Variants in MAGI2 observed in about 807,000 individuals in gnomAD.
MAGI2 encodes membrane associated guanylate kinase, WW and PDZ domain containing 2.
MAGI2 carries 35 observed loss-of-function variants against 133.3 expected under a neutral mutation model. That is an observed-to-expected ratio of 0.26 (90% CI 0.20 to 0.35). MAGI2 has a LOEUF of 0.35. Ranked by LOEUF, MAGI2 falls within the 10% of genes least tolerant of loss-of-function variation. The probability of loss-of-function intolerance (pLI) is 1.00; values close to 1 mark genes in which losing one functional copy is unlikely to be tolerated. For synonymous variants in MAGI2, 729 were observed against 710.6 expected (o/e 1.03, Z -0.41); for missense variants, 1,636 against 1,863.4 (o/e 0.88, Z 2.25).
chr7:79,345,237 C>T (rs186567378), intron 1 of MAGI2, among the ~76,000 whole-genome samples: 94 of 152,106 alleles, frequency 6.2e-4, no homozygotes, highest in Admixed American at 1.3e-3. Flanking sequence ...AATGTGGGCA[C>T]AGACACATAT....
chr7:78,954,500 T>C (rs1020241016), intron 2 of MAGI2, among the ~76,000 whole-genome samples: 7 of 152,254 alleles, frequency 4.6e-5, no homozygotes, highest in African/African-American at 1.2e-4. Context: ...GCTTATGCTA[T>C]AGAAAATACA....
chr7:78,548,481 G>A (rs1799057268), intron 3 of MAGI2, among the ~76,000 whole-genome samples: 1 of 152,104 alleles, frequency 6.6e-6, no homozygotes, highest in Non-Finnish European at 1.5e-5. Flanking sequence ...GATCACTTGA[G>A]GTCAGGAATT....
At chr7:79,236,448 A>G (rs990828290) in intron 1 of MAGI2, among the ~76,000 whole-genome samples, 1 of 152,214 alleles carries the variant, frequency 6.6e-6, no homozygotes, top group Non-Finnish European at 1.5e-5. Flanking sequence ...ATTGCGTATA[A>G]GGCTGGTTTT....
At chr7:78,091,667 G>T (rs1817225576) in intron 20 of MAGI2, among the ~76,000 whole-genome samples, 1 of 152,172 alleles carries the variant, frequency 6.6e-6, no homozygotes, top group Non-Finnish European at 1.5e-5. Context: ...AAGACCAGTT[G>T]CAGGTTCCCT....
At chr7:78,361,807 G>A (rs1792842088) in intron 7 of MAGI2, among the ~76,000 whole-genome samples, 1 of 152,122 alleles carries the variant, frequency 6.6e-6, no homozygotes, top group Admixed American at 6.5e-5. Flanking sequence ...TTTAAGGGTG[G>A]CGGAGTATGA....
intron 2 of MAGI2, among the ~76,000 whole-genome samples, chr7:78,924,794 C>T (rs945139810): frequency 2.0e-5 from 3 of 151,844 alleles, no homozygotes; most frequent in Non-Finnish European, 4.4e-5. Flanking sequence ...TGTTGAACAA[C>T]AGTTCCCCCT....
At chr7:78,172,298 T>C (rs867395175) in intron 14 of MAGI2, among the ~76,000 whole-genome samples, 1 of 152,240 alleles carries the variant, frequency 6.6e-6, no homozygotes, top group Non-Finnish European at 1.5e-5. Context: ...GTAGTATCTG[T>C]AGCCTGGGAC....
chr7:78,091,624 T>C (rs1817221648), intron 20 of MAGI2, among the ~76,000 whole-genome samples: 1 of 152,194 alleles, frequency 6.6e-6, no homozygotes. Context: ...TAGGAATTTA[T>C]GAAAGATCTC....
chr7:79,223,623 T>G, intron 1 of MAGI2, among the ~76,000 whole-genome samples: 1 of 151,224 alleles, frequency 6.6e-6, no homozygotes, highest in Non-Finnish European at 1.5e-5. Flanking sequence ...AGCCCAGGAG[T>G]TTGCAAGCAG....
At chr7:79,260,374 A>G (rs1833988903) in intron 1 of MAGI2, among the ~76,000 whole-genome samples, 1 of 21,054 alleles carries the variant, frequency 4.7e-5, no homozygotes, top group Non-Finnish European at 1.7e-4. Context: ...ATACATACAT[A>G]CATACATACA....
intron 2 of MAGI2, among the ~76,000 whole-genome samples, chr7:78,960,581 G>A: frequency 6.6e-6 from 1 of 152,084 alleles, no homozygotes; most frequent in East Asian, 1.9e-4. Context: ...TAATGATGGA[G>A]GTTGAGTTTT....
intron 1 of MAGI2, among the ~76,000 whole-genome samples, chr7:79,203,922 A>G (rs1828825151): frequency 6.6e-6 from 1 of 152,080 alleles, no homozygotes; most frequent in African/African-American, 2.4e-5. Flanking sequence ...CAATCCATGC[A>G]CAGAAATACC....
In MAGI2 at chr7:78,065,489, A is replaced by T. The variant is rs145646592; in HGVS notation, c.3706+13458T>A. ...AAATAATTAGACAAGCTACTATGAA[A>T]GAGAAAGCATTATACATCAGTTAAA... On this transcript the variant is annotated intron_variant, in intron 21 of 21. Coordinates refer to ENST00000354212, the MANE Select transcript of MAGI2 (RefSeq NM_012301.4). 3.1e-3 allele frequency: 1,836 copies of T among 584,286 alleles called. 3 individuals are homozygous for T. The highest frequency in any genetic ancestry group is 4.2e-3 in the Non-Finnish European group (1,401 of 333,732). The allele number at this position is 584,286 out of a possible 1,614,324, so 36.2% of individuals were successfully genotyped here.
At chr7:78,768,709 A>G (rs1825273161) in intron 2 of MAGI2, among the ~76,000 whole-genome samples, 1 of 152,242 alleles carries the variant, frequency 6.6e-6, no homozygotes, top group Admixed American at 6.5e-5. Context: ...AAGCATCTGA[A>G]GTGTTTCCAA....
rs985590509 is a variant in MAGI2 at position 78,833,676 on chromosome 7, C to A, written c.418+173414G>T. On this transcript the variant is annotated intron_variant, in intron 2 of 21. Coordinates refer to ENST00000354212, the MANE Select transcript of MAGI2 (RefSeq NM_012301.4). ...CTCACACAGCCCTCTCTGTTCATAT[C>A]CTCCTAACTTAACTCTTCCATTGTT... 1.5e-4 allele frequency among the ~76,000 whole-genome samples: 23 copies of A among 152,172 alleles called. 1 individual carries two copies. The highest frequency in any genetic ancestry group is 5.9e-5 in the Non-Finnish European group (4 of 68,034).
intron 2 of MAGI2, among the ~76,000 whole-genome samples, chr7:78,748,434 C>T (rs1207881): frequency 0.31 from 47,184 of 151,998 alleles, 7,530 homozygotes; most frequent in South Asian, 0.47. Context: ...GTCTTATGAG[C>T]GCAGTCCTAT....
intron 3 of MAGI2, among the ~76,000 whole-genome samples, chr7:78,623,697 G>T (rs563900227): frequency 7.2e-5 from 11 of 152,102 alleles, no homozygotes; most frequent in Non-Finnish European, 1.0e-4. Flanking sequence ...AATGCTAATG[G>T]AAGAGATTTT....
chr7:78,227,725 T>TC (rs1356750983), intron 10 of MAGI2, among the ~76,000 whole-genome samples: 36 of 152,200 alleles, frequency 2.4e-4, no homozygotes, highest in African/African-American at 7.7e-4. Context: ...AAATATAATT[T>TC]CCCCCCTTCT....
At chr7:78,730,706 G>A (rs1037763593) in intron 2 of MAGI2, among the ~76,000 whole-genome samples, 13 of 152,046 alleles carry the variant, frequency 8.6e-5, no homozygotes, top group African/African-American at 3.1e-4. Flanking sequence ...CAAACATAAA[G>A]TAGTACCATA....
Sources: allele counts gnomAD v4.1 joint callset (sites outside exome capture counted in the v4.1 genomes callset), GRCh38; gene constraint gnomAD v4.1.1; transcripts MANE v1.5; gene names NCBI Gene and HGNC (gene_info 2026-07-23, HGNC 2026-07-21).